FAM174A: variants seen among roughly 807,000 people sequenced by gnomAD.
The protein encoded by FAM174A is family with sequence similarity 174 member A, also known as membrane protein FAM174A.
In FAM174A, 14 loss-of-function variants were observed where a neutral mutation model predicts 14.3. That is an observed-to-expected ratio of 0.98 (90% CI 0.65 to 1.53). The LOEUF is 1.53. Among genes scored for constraint, FAM174A ranks in the 40% most tolerant of loss-of-function variants. The pLI is 0.00. For synonymous variants in FAM174A, 108 were observed against 111.4 expected, an observed-to-expected ratio of 0.97 and a Z score of 0.19; for missense variants, 241 against 249.6, an observed-to-expected ratio of 0.97 and a Z score of 0.23.
At chr5:100,538,212 C>T (rs1263274333) in intron 1 of FAM174A, among the ~76,000 whole-genome samples, 2 of 152,066 alleles carry the variant, frequency 1.3e-5, no homozygotes, top group Non-Finnish European at 2.9e-5. Context: ...TCTTCATTAT[C>T]TTGGTGAATG....
chr5:100,553,463 C>T (rs1746304371), intron 1 of FAM174A, among the ~76,000 whole-genome samples: 1 of 151,932 alleles, frequency 6.6e-6, no homozygotes. Flanking sequence ...AGCTGTATGA[C>T]CACATAATTA....
chr5:100,539,025 A>G (rs1745998061), intron 1 of FAM174A, among the ~76,000 whole-genome samples: 1 of 151,972 alleles, frequency 6.6e-6, no homozygotes, highest in Non-Finnish European at 1.5e-5. Flanking sequence ...TTCGTTTTTT[A>G]TTCAATTTGG....
At chr5:100,552,703 G>T (rs1032855400) in intron 1 of FAM174A, among the ~76,000 whole-genome samples, 2 of 151,880 alleles carry the variant, frequency 1.3e-5, no homozygotes, top group Admixed American at 1.3e-4. Context: ...GTTTTATTTT[G>T]ATACTCTAAC....
At chr5:100,559,995 C>G (rs558742307) in intron 1 of FAM174A, among the ~76,000 whole-genome samples, 1 of 152,236 alleles carries the variant, frequency 6.6e-6, no homozygotes, top group Non-Finnish European at 1.5e-5. Context: ...TGGTGAGGAG[C>G]TGCGTTCCTT....
At chr5:100,545,856 C>T (rs1263069182) in intron 1 of FAM174A, among the ~76,000 whole-genome samples, 1 of 152,072 alleles carries the variant, frequency 6.6e-6, no homozygotes, top group Non-Finnish European at 1.5e-5. Flanking sequence ...TGTGTTATCA[C>T]TTATAATTGT....
chr5:100,574,805 T>C (rs1369616727), intron 2 of FAM174A, among the ~76,000 whole-genome samples: 1 of 152,148 alleles, frequency 6.6e-6, no homozygotes, highest in Non-Finnish European at 1.5e-5. Flanking sequence ...TAAAAGGGAA[T>C]TTTTATTTCT....
intron 1 of FAM174A, among the ~76,000 whole-genome samples, chr5:100,540,410 A>G (rs1477787439): frequency 6.6e-6 from 1 of 152,202 alleles, no homozygotes; most frequent in Non-Finnish European, 1.5e-5. Context: ...AACTTCCATT[A>G]TAATTGTTCA....
chr5:100,547,308 ATTGTTT>A (rs1561313445), intron 1 of FAM174A, among the ~76,000 whole-genome samples: 21 of 152,264 alleles, frequency 1.4e-4, no homozygotes, highest in Middle Eastern at 6.8e-3. Context: ...TGTCTTGTAC[ATTGTTT>A]TAACAATGTA....
chr5:100,562,090 A>G lies in FAM174A; in HGVS notation c.471A>G (p.Gly157=), dbSNP rs377411698. ...GAAACCGAAAGACTAGGAGATATGG[A>G]GTTTTGGACACTAACATAGAAAATA... ...RRRNRKTRRY[G]VLDTNIENME... is the part of the protein sequence containing the mutation. The change falls in exon 2 of 3, where the codon GGA becomes GGG. Residue 157 remains glycine, a synonymous_variant. Coordinates refer to ENST00000312637, the MANE Select transcript of FAM174A (RefSeq NM_198507.3). The G allele has an allele frequency of 5.0e-6, 8 of 1,584,340 alleles. No individual in the cohort carries two copies. Among genetic ancestry groups the G allele is most frequent in the Non-Finnish European group, 6.9e-6 (8 of 1,165,646 alleles).
At chr5:100,536,859 A>G (rs1745951792) in intron 1 of FAM174A, among the ~76,000 whole-genome samples, 1 of 152,268 alleles carries the variant, frequency 6.6e-6, no homozygotes, top group Non-Finnish European at 1.5e-5. Context: ...ATGGAAAACC[A>G]ACATCACTTG....
intron 1 of FAM174A, among the ~76,000 whole-genome samples, chr5:100,558,046 A>T (rs191700697): frequency 2.6e-4 from 40 of 152,170 alleles, no homozygotes; most frequent in Non-Finnish European, 4.9e-4. Context: ...TCAATTTTAG[A>T]TCTTTCCTGC....
Position 100,575,659 on chromosome 5 carries a change from G to A in FAM174A, c.570-10522G>A, listed in dbSNP as rs182833355. On this transcript the variant is annotated intron_variant, in intron 2 of 2. Coordinates refer to ENST00000312637, the MANE Select transcript of FAM174A (RefSeq NM_198507.3). Reference sequence around the variant, plus strand: ...CATGTCGAAAACACCAAAAGCAATGGCAACAAAAGCCAAAATTGACAAATG... The same window carrying A: ...CATGTCGAAAACACCAAAAGCAATGACAACAAAAGCCAAAATTGACAAATG... 2.2e-3 allele frequency among the ~76,000 whole-genome samples: 332 copies of A among 152,174 alleles called. 3 individuals carry two copies. Among genetic ancestry groups the A allele is most frequent in the African/African-American group, 7.7e-3 (319 of 41,512 alleles).
chr5:100,545,969 T>C (rs1190678901), intron 1 of FAM174A, among the ~76,000 whole-genome samples: 1 of 152,202 alleles, frequency 6.6e-6, no homozygotes, highest in Admixed American at 6.5e-5. Flanking sequence ...ATAAGTGTTA[T>C]TTCAGCCTCA....
Position 100,557,058 on chromosome 5 carries a change from A to G in FAM174A, c.435-4996A>G, listed in dbSNP as rs555354547. Among the ~76,000 whole-genome samples, 70 of 152,320 alleles carry G rather than the reference A, an allele frequency of 4.6e-4. 1 individual carries two copies. In the Middle Eastern group the frequency reaches 0.014, roughly 30 times the overall value. On this transcript the variant is annotated intron_variant, in intron 1 of 2. Transcript: ENST00000312637. ...GAATGCTTCCAGTTTTTGCCCATTC[A>G]GTATGATATCAGCTGTGGGTTTGTC...
At chr5:100,537,232 C>T (rs977824403) in intron 1 of FAM174A, among the ~76,000 whole-genome samples, 1 of 152,150 alleles carries the variant, frequency 6.6e-6, no homozygotes, top group African/African-American at 2.4e-5. Context: ...GGATTTAATG[C>T]AGAAGTAAAT....
chr5:100,569,990 A>G (rs763952559), intron 2 of FAM174A, among the ~76,000 whole-genome samples: 20 of 151,942 alleles, frequency 1.3e-4, no homozygotes, highest in Non-Finnish European at 2.2e-4. Flanking sequence ...AAGGATGGAT[A>G]TTTCAGGGCA....
intron 1 of FAM174A, among the ~76,000 whole-genome samples, chr5:100,547,728 A>C (rs1253956950): frequency 6.6e-6 from 1 of 152,146 alleles, no homozygotes; most frequent in Non-Finnish European, 1.5e-5. Flanking sequence ...ATACAGTAGC[A>C]GTGTGGCTCA....
chr5:100,576,136 A>G (rs977359534), intron 2 of FAM174A, among the ~76,000 whole-genome samples: 6 of 152,162 alleles, frequency 3.9e-5, no homozygotes, highest in African/African-American at 7.2e-5. Flanking sequence ...ACTATTAACA[A>G]TGATTGTTAT....
At chr5:100,542,109 C>T (rs1433262523) in intron 1 of FAM174A, among the ~76,000 whole-genome samples, 1 of 152,148 alleles carries the variant, frequency 6.6e-6, no homozygotes, top group Non-Finnish European at 1.5e-5. Context: ...TGACTTTCAC[C>T]TCCCAACTGA....
Sources: allele counts gnomAD v4.1 joint callset (sites outside exome capture counted in the v4.1 genomes callset), GRCh38; gene constraint gnomAD v4.1.1; transcripts MANE v1.5; gene names NCBI Gene and HGNC (gene_info 2026-07-23, HGNC 2026-07-21).